Variants in RASGRP3 observed in about 807,000 individuals in gnomAD.
RASGRP3 encodes RAS guanyl releasing protein 3.
In RASGRP3, 54 loss-of-function variants were observed where a neutral mutation model predicts 82.7. That is an observed-to-expected ratio of 0.65 (90% CI 0.52 to 0.82). RASGRP3 has a LOEUF of 0.82. Ranked by LOEUF, RASGRP3 falls within the 40% of genes least tolerant of loss-of-function variation. The probability of loss-of-function intolerance (pLI) is 0.00; values close to 1 mark genes in which losing one functional copy is unlikely to be tolerated. For missense variants in RASGRP3, 861 were observed against 828.9 expected, an observed-to-expected ratio of 1.04 and a Z score of -0.48; for synonymous variants, 309 against 300.5, an observed-to-expected ratio of 1.03 and a Z score of -0.29.
chr2:33,460,157 G>C (rs755684440), intron 2 of RASGRP3, among the ~76,000 whole-genome samples: 1 of 152,144 alleles, frequency 6.6e-6, no homozygotes, highest in Non-Finnish European at 1.5e-5. Flanking sequence ...TTCAGATAAT[G>C]AATAAACTAT....
intron 4 of RASGRP3, 60 bp downstream of exon 4, chr2:33,516,704 G>T: frequency 1.7e-6 from 2 of 1,175,910 alleles, no homozygotes; most frequent in South Asian, 2.8e-5. Context: ...TATTTAGATA[G>T]AGTGTCTATC....
chr2:33,554,717 C>T (rs1423266778), intron 14 of RASGRP3, among the ~76,000 whole-genome samples: 3 of 152,152 alleles, frequency 2.0e-5, no homozygotes, highest in Non-Finnish European at 4.4e-5. Context: ...TCGTGATCTG[C>T]TCTTCTCGGC....
chr2:33,479,536 A>T (rs1315919094), intron 1 of RASGRP3, among the ~76,000 whole-genome samples: 1 of 151,524 alleles, frequency 6.6e-6, no homozygotes, highest in Non-Finnish European at 1.5e-5. Context: ...GAAACCATGC[A>T]CTCTGCCACT....
intron 1 of RASGRP3, chr2:33,493,230 G>T (rs1574331737): frequency 6.6e-6 from 1 of 152,234 alleles, no homozygotes; most frequent in Admixed American, 6.5e-5. Context: ...AACTGACAAT[G>T]TGGGAAGCAT....
chr2:33,463,923 T>C (rs796725916), intron 2 of RASGRP3, among the ~76,000 whole-genome samples: 4 of 151,888 alleles, frequency 2.6e-5, no homozygotes, highest in African/African-American at 9.6e-5. Context: ...TATTTGTACA[T>C]GTGCATACCT....
intron 1 of RASGRP3, among the ~76,000 whole-genome samples, chr2:33,446,872 G>A (rs994808771): frequency 1.3e-5 from 2 of 151,814 alleles, no homozygotes; most frequent in African/African-American, 4.8e-5. Flanking sequence ...GGCCGGGTGC[G>A]GTGGCTCACT....
chr2:33,509,868 T>C (rs554860355), intron 1 of RASGRP3, among the ~76,000 whole-genome samples: 3 of 152,334 alleles, frequency 2.0e-5, no homozygotes, highest in South Asian at 4.1e-4. Context: ...AAATTAATTG[T>C]CTTTCAGAGT....
intron 14 of RASGRP3, 136 bp from the exon 15 acceptor site, chr2:33,555,395 A>C: frequency 1.7e-6 from 1 of 577,086 alleles, no homozygotes; most frequent in Non-Finnish European, 3.0e-6. Flanking sequence ...ATCTGGCAGG[A>C]AGGGTGTTAA....
rs1274644905 is a variant in RASGRP3, at chr2:33,539,172, C to G, written c.1240C>G (p.Pro414Ala). 1.2e-6 allele frequency: 2 copies of G among 1,610,662 alleles called. No individual in the cohort carries two copies. Among genetic ancestry groups the G allele is most frequent in the East Asian group, 4.5e-5 (2 of 44,808 alleles). Reference protein sequence around the residue: ...WALGVMPKPDPTVINKHIRKL... With the variant: ...WALGVMPKPDATVINKHIRKL... ...ATTAGGGGTGATGCCAAAGCCAGAC[C>G]CCACGGTCATCAACAAGCACATAAG... Residue 414 changes from proline (P) to alanine (A), a missense_variant, in exon 12 of 18, where the codon CCC (proline) becomes GCC (alanine). Pro to Ala is a conservative substitution (Grantham distance 27). Coordinates refer to ENST00000403687, the MANE Select transcript of RASGRP3 (RefSeq NM_001139488.2).
chr2:33,536,588 T>C (rs188639597), intron 11 of RASGRP3, among the ~76,000 whole-genome samples: 24 of 152,254 alleles, frequency 1.6e-4, no homozygotes, highest in Non-Finnish European at 2.9e-4. Flanking sequence ...TTAGGAGATA[T>C]TTCCATCAAA....
At chr2:33,448,734 A>G (rs1190871243) in intron 2 of RASGRP3, among the ~76,000 whole-genome samples, 1 of 151,476 alleles carries the variant, frequency 6.6e-6, no homozygotes, top group Non-Finnish European at 1.5e-5. Flanking sequence ...AGTTTTGCAA[A>G]TAGTGGTGAT....
upstream of RASGRP3, among the ~76,000 whole-genome samples, chr2:33,472,779 A>C (rs1410704521): frequency 1.4e-5 from 2 of 145,736 alleles, no homozygotes; most frequent in Non-Finnish European, 3.0e-5. Flanking sequence ...ACATGGTGAA[A>C]CCCCGTCTCT....
Position 33,486,477 on chromosome 2 carries a change from A to G in RASGRP3, c.-261+9770A>G, listed in dbSNP as rs571395665. On this transcript the variant is annotated intron_variant, in intron 1 of 17. Transcript: ENST00000403687. ...GCCACTGCTCCTGGCCTCACTTGGT[A>G]TTTCTAAACATATGCTTTGTGCTGC... is the stretch of plus-strand genomic sequence containing the variant. 3.4e-5 allele frequency among the ~76,000 whole-genome samples: 5 copies of G among 145,706 alleles called. No homozygotes were observed. The South Asian group carries it at 1.0e-3, about 30-fold the overall frequency.
intron 17 of RASGRP3, among the ~76,000 whole-genome samples, chr2:33,561,635 C>A (rs1344533714): frequency 6.6e-6 from 1 of 151,426 alleles, no homozygotes; most frequent in Non-Finnish European, 1.5e-5. Context: ...TTCTGCCAGG[C>A]AAGACCAATA....
chr2:33,491,642 G>A (rs534198899), intron 1 of RASGRP3, among the ~76,000 whole-genome samples: 90 of 152,332 alleles, frequency 5.9e-4, no homozygotes, highest in African/African-American at 1.4e-3. Flanking sequence ...ACTGCATTGC[G>A]TTTGCATCTG....
chr2:33,524,488 T>C lies in RASGRP3; in HGVS notation c.747T>C (p.Ser249=). The C allele has an allele frequency of 6.2e-7, 1 of 1,606,368 alleles. No homozygotes were observed. ...NTLMAVVGGL[S]HSSISRLKET... Reference sequence around the variant, plus strand: ...TGATGGCAGTGGTGGGAGGCCTCAGTCATAGTTCCATTTCACGCCTCAAAG... The same window carrying C: ...TGATGGCAGTGGTGGGAGGCCTCAGCCATAGTTCCATTTCACGCCTCAAAG... Residue 249 remains serine (S), a synonymous_variant, in exon 9 of 18, where the codon AGT becomes AGC. Transcript: ENST00000403687.
chr2:33,458,222 A>G (rs549946597), intron 2 of RASGRP3: 125 of 152,330 alleles, frequency 8.2e-4, no homozygotes, highest in African/African-American at 2.8e-3. Context: ...GTTGAATGCC[A>G]TTTTTAGTGC....
At chr2:33,554,410 T>A (rs973106727) in intron 14 of RASGRP3, among the ~76,000 whole-genome samples, 2 of 152,198 alleles carry the variant, frequency 1.3e-5, no homozygotes, top group African/African-American at 4.8e-5. Context: ...CCATACTGTA[T>A]GCCTCTGGTG....
At chr2:33,488,360 C>G (rs1342811155) in intron 1 of RASGRP3, among the ~76,000 whole-genome samples, 1 of 152,210 alleles carries the variant, frequency 6.6e-6, no homozygotes, top group Non-Finnish European at 1.5e-5. Flanking sequence ...CACTGAGCAT[C>G]ACTCCTTACC....
Sources: allele counts gnomAD v4.1 joint callset (sites outside exome capture counted in the v4.1 genomes callset), GRCh38; gene constraint gnomAD v4.1.1; transcripts MANE v1.5; gene names NCBI Gene and HGNC (gene_info 2026-07-23, HGNC 2026-07-21).